Variants in ZFP64 observed in about 807,000 individuals in gnomAD.
The protein encoded by ZFP64 is ZFP64 zinc finger protein, also known as zinc finger protein 64.
ZFP64 carries 14 observed loss-of-function variants against 51.6 expected under a neutral mutation model. That is an observed-to-expected ratio of 0.27 (90% confidence interval 0.18 to 0.42). ZFP64 has a LOEUF of 0.42. ZFP64 is among the 10% of genes least tolerant of loss of function. ZFP64 has a pLI of 1.00. For synonymous variants in ZFP64, 375 were observed against 361.4 expected, an observed-to-expected ratio of 1.04 and a Z score of -0.43; for missense variants, 754 against 906.8, an observed-to-expected ratio of 0.83 and a Z score of 2.16.
intron 5 of ZFP64, chr20:52,110,339 C>A: frequency 4.0e-6 from 2 of 505,852 alleles, no homozygotes; most frequent in South Asian, 4.3e-5. Flanking sequence ...CCATAGAGAG[C>A]CTTTTTACAA....
intron 2 of ZFP64, among the ~76,000 whole-genome samples, chr20:52,186,493 T>C (rs1208591248): frequency 1.3e-5 from 2 of 150,540 alleles, no homozygotes; most frequent in African/African-American, 4.9e-5. Context: ...GTACCCATAC[T>C]TCCACCACCC....
chr20:52,124,192 TA>T (rs33931169), intron 5 of ZFP64, among the ~76,000 whole-genome samples: 312 of 114,014 alleles, frequency 2.7e-3, no homozygotes, highest in East Asian at 5.9e-3. Flanking sequence ...TTGTTAAATG[TA>T]AAAAAAAAAA....
intron 2 of ZFP64, among the ~76,000 whole-genome samples, chr20:52,167,983 C>T (rs1274656906): frequency 1.3e-5 from 2 of 152,124 alleles, no homozygotes; most frequent in African/African-American, 4.8e-5. Flanking sequence ...GATTAAAATG[C>T]TGCCAATTAA....
chr20:52,156,497 G>A (rs1292329251), intron 5 of ZFP64, among the ~76,000 whole-genome samples: 1 of 152,236 alleles, frequency 6.6e-6, no homozygotes, highest in Non-Finnish European at 1.5e-5. Context: ...GCCAAGGCCA[G>A]TGGACAGCCA....
chr20:52,139,261 C>A (rs972202094), intron 5 of ZFP64, among the ~76,000 whole-genome samples: 1 of 152,108 alleles, frequency 6.6e-6, no homozygotes, highest in African/African-American at 2.4e-5. Flanking sequence ...ACCTAGATGC[C>A]CATCAATGGT....
At chr20:52,115,450 T>C (rs901554488) in intron 5 of ZFP64, among the ~76,000 whole-genome samples, 4 of 148,420 alleles carry the variant, frequency 2.7e-5, no homozygotes, top group African/African-American at 9.9e-5. Flanking sequence ...GGTCTCACTC[T>C]GTCACCCAGG....
intron 5 of ZFP64, among the ~76,000 whole-genome samples, chr20:52,135,798 A>G (rs2122893880): frequency 6.6e-6 from 1 of 151,964 alleles, no homozygotes; most frequent in Non-Finnish European, 1.5e-5. Context: ...CAAGATTTTC[A>G]GTATATACAG....
chr20:52,185,020 A>C (rs1983860906), intron 2 of ZFP64, among the ~76,000 whole-genome samples: 2 of 151,268 alleles, frequency 1.3e-5, no homozygotes, highest in Non-Finnish European at 2.9e-5. Flanking sequence ...TTGTTTATGA[A>C]GTTTTTTATT....
At chr20:52,102,020 G>A (rs1255126659) in intron 5 of ZFP64, among the ~76,000 whole-genome samples, 2 of 148,778 alleles carry the variant, frequency 1.3e-5, no homozygotes, top group African/African-American at 2.5e-5. Context: ...ACTGAGGCAG[G>A]AGAATCGCTT....
chr20:52,084,584 A>G (rs1488140712), exon 9 of ZFP64: 2 of 1,613,614 alleles, frequency 1.2e-6, no homozygotes, highest in Non-Finnish European at 1.7e-6. Flanking sequence ...GCTCTAGGGG[A>G]GCCTCGAGCT....
At chr20:52,124,302 T>G (rs1366574975) in intron 5 of ZFP64, among the ~76,000 whole-genome samples, 1 of 151,910 alleles carries the variant, frequency 6.6e-6, no homozygotes, top group Non-Finnish European at 1.5e-5. Context: ...GGATAGAAGT[T>G]TTCTGAAAAC....
exon 6 of ZFP64, chr20:52,098,476 G>A (rs775517746): frequency 1.2e-5 from 20 of 1,613,992 alleles, no homozygotes; most frequent in African/African-American, 6.7e-5. Context: ...TCCAAGGGTG[G>A]CCATTTGTTC....
rs1414686552 is a variant in ZFP64, at chr20:52,085,144, A to T, written c.1351T>A (p.Cys451Ser). Residue 451 changes from cysteine (C) to serine (S), a missense_variant, in exon 9 of 9, where the codon TGC becomes AGC. Physicochemically the swap from Cys to Ser is moderately radical, Grantham distance 112 (BLOSUM62 -1). Transcript: ENST00000361387. The surrounding 1 kb of genome is among the most constrained non-coding windows in gnomAD (Gnocchi z 4.3). ...GATTTGAGATTCGCCTTCATGGTGC[A>T]GCGGACGTCGCAGAACTCGCACTTG... 6.2e-7 allele frequency: 1 copy of T among 1,614,230 alleles called. No individual in the cohort carries two copies. Among genetic ancestry groups the T allele is most frequent in the African/African-American group, 1.3e-5 (1 of 75,062 alleles).
chr20:52,121,911 A>C (rs1048866031), intron 5 of ZFP64, among the ~76,000 whole-genome samples: 1 of 152,182 alleles, frequency 6.6e-6, no homozygotes, highest in African/African-American at 2.4e-5. Context: ...CCATTCCAAA[A>C]ATCCTAAGGC....
intron 5 of ZFP64, among the ~76,000 whole-genome samples, chr20:52,145,165 A>G (rs1175514730): frequency 1.3e-5 from 2 of 152,250 alleles, no homozygotes; most frequent in African/African-American, 4.8e-5. Flanking sequence ...GCACTAAAAA[A>G]GAAAACTAGA....
intron 5 of ZFP64, among the ~76,000 whole-genome samples, chr20:52,116,204 T>C (rs1167555977): frequency 2.0e-5 from 3 of 151,758 alleles, no homozygotes; most frequent in East Asian, 1.9e-4. Context: ...GGTGGGATCT[T>C]GGCTTACTGT....
At chr20:52,164,646 A>G in intron 4 of ZFP64, 49 bp downstream of exon 4, 10 of 1,505,502 alleles carry the variant, frequency 6.6e-6, no homozygotes, top group Non-Finnish European at 9.2e-6. Flanking sequence ...CCCATCTCCT[A>G]GCACAGAGCA....
At chr20:52,098,632 C>T (rs775356186) in intron 5 of ZFP64, 1 of 1,612,202 alleles carries the variant, frequency 6.2e-7, no homozygotes. Flanking sequence ...TTTATAACCA[C>T]CATGCTAAGT....
chr20:52,104,832 AC>A, intron 5 of ZFP64: 1 of 636,406 alleles, frequency 1.6e-6, no homozygotes, highest in Non-Finnish European at 3.0e-6. Context: ...CATCCCGAAA[AC>A]AGCCTCTGAG....
Sources: gnomAD v4.1 joint callset for allele counts (sites outside exome capture counted in the v4.1 genomes callset) on GRCh38, gnomAD v4.1.1 for gene constraint, Gnocchi (gnomAD v3.1) non-coding constraint, MANE v1.5 for transcripts, NCBI Gene and HGNC (gene_info 2026-07-23, HGNC 2026-07-21) for gene names.